Variants in PTPRD observed in about 807,000 individuals in gnomAD.
The protein encoded by PTPRD is protein tyrosine phosphatase receptor type D.
PTPRD carries 34 observed loss-of-function variants against 214.5 expected under a neutral mutation model. The ratio of observed to expected loss-of-function variants is 0.16; its 90% CI spans 0.12 to 0.21. The LOEUF (loss-of-function observed/expected upper bound fraction) is 0.21, where lower values mean the gene tolerates loss of function less well. Ranked by LOEUF, PTPRD falls within the 10% of genes least tolerant of loss-of-function variation. PTPRD has a pLI of 1.00. For synonymous variants in PTPRD, 1,128 were observed against 845.7 expected (o/e 1.33, Z -5.79); for missense variants, 2,545 against 2,398.7 (o/e 1.06, Z -1.27).
chr9:8,659,503 C>G (rs944393925), intron 12 of PTPRD, among the ~76,000 whole-genome samples: 1 of 152,176 alleles, frequency 6.6e-6, no homozygotes, highest in African/African-American at 2.4e-5. Context: ...GGTTTCTAAC[C>G]CTCTCCATCC....
intron 3 of PTPRD, among the ~76,000 whole-genome samples, chr9:10,138,040 T>C (rs2098955150): frequency 1.3e-5 from 2 of 151,554 alleles, no homozygotes; most frequent in Admixed American, 1.3e-4. Context: ...ACAACAAAAA[T>C]CAGAGAAGCA....
At chr9:8,716,232 G>A (rs2098434938) in intron 12 of PTPRD, among the ~76,000 whole-genome samples, 1 of 152,240 alleles carries the variant, frequency 6.6e-6, no homozygotes, top group South Asian at 2.1e-4. Flanking sequence ...CCTAAGGTCT[G>A]TAAACCTGGC....
At chr9:9,614,556 C>T (rs530294833) in intron 7 of PTPRD, among the ~76,000 whole-genome samples, 1 of 152,084 alleles carries the variant, frequency 6.6e-6, no homozygotes, top group Non-Finnish European at 1.5e-5. Flanking sequence ...TAAACTGACA[C>T]CAGAAAGGTA....
intron 8 of PTPRD, among the ~76,000 whole-genome samples, chr9:9,535,679 T>C (rs536298928): frequency 1.3e-5 from 2 of 152,102 alleles, no homozygotes; most frequent in Non-Finnish European, 2.9e-5. Flanking sequence ...GAGTTTAATG[T>C]GGAGAAACAA....
chr9:8,931,003 T>C (rs940797206), intron 11 of PTPRD, among the ~76,000 whole-genome samples: 20 of 152,344 alleles, frequency 1.3e-4, no homozygotes, highest in African/African-American at 4.6e-4. Flanking sequence ...TTGTTGCCAT[T>C]GCTTTGGGTG....
At chr9:10,385,892 G>A (rs2097905590) in intron 2 of PTPRD, among the ~76,000 whole-genome samples, 1 of 151,686 alleles carries the variant, frequency 6.6e-6, no homozygotes, top group South Asian at 2.1e-4. Flanking sequence ...GATTATAAGA[G>A]ATAATTATAT....
chr9:8,563,110 C>T (rs1482025515), intron 14 of PTPRD, among the ~76,000 whole-genome samples: 1 of 151,986 alleles, frequency 6.6e-6, no homozygotes, highest in East Asian at 1.9e-4. Context: ...AAATAATAAG[C>T]CTGAGTGTCA....
chr9:8,648,334 A>G (rs2096736858), intron 12 of PTPRD, among the ~76,000 whole-genome samples: 2 of 152,174 alleles, frequency 1.3e-5, no homozygotes, highest in East Asian at 3.9e-4. Context: ...AACTTCCTGA[A>G]CTATTGATGT....
At chr9:9,208,520 A>G (rs754875635) in intron 9 of PTPRD, among the ~76,000 whole-genome samples, 6 of 152,104 alleles carry the variant, frequency 3.9e-5, no homozygotes, top group South Asian at 2.1e-4. Context: ...TGTAGAGTTT[A>G]CTTTGTGACT....
In PTPRD at chr9:10,210,819, ATATG is replaced by A. The variant is rs1261761491; in HGVS notation, c.-545+130140_-545+130143del. 8.9e-3 allele frequency among the ~76,000 whole-genome samples: 626 copies of A among 70,142 alleles called. 7 individuals are homozygous for A. Among genetic ancestry groups the A allele is most frequent in the African/African-American group, 0.041 (516 of 12,554 alleles). 46.0% of individuals were successfully genotyped at this position (70,142 alleles called of 152,430 possible). On this transcript the variant is annotated intron_variant, in intron 3 of 45. Transcript: ENST00000381196. ...TTCATATATATATATATATATATAT[ATATG>A]TATGTATGTATGTATGTATAATCAA...
intron 2 of PTPRD, among the ~76,000 whole-genome samples, chr9:10,452,538 T>C (rs1187884349): frequency 1.3e-5 from 2 of 151,854 alleles, no homozygotes; most frequent in African/African-American, 2.4e-5. Context: ...GAATATCTCA[T>C]TGTACTTTTG....
At chr9:8,920,902 C>T (rs76683494) in intron 11 of PTPRD, among the ~76,000 whole-genome samples, 7,904 of 152,178 alleles carry the variant, frequency 0.052, 411 homozygotes, top group East Asian at 0.19. Context: ...CAACCTCTGC[C>T]GCACAGGATC....
chr9:9,595,144 T>C, intron 7 of PTPRD, among the ~76,000 whole-genome samples: 1 of 151,582 alleles, frequency 6.6e-6, no homozygotes, highest in East Asian at 2.0e-4. Flanking sequence ...GATGGGAATG[T>C]AAACCAGTGC....
chr9:10,489,470 G>A (rs868673928), intron 2 of PTPRD, among the ~76,000 whole-genome samples: 2 of 152,164 alleles, frequency 1.3e-5, no homozygotes, highest in African/African-American at 2.4e-5. Context: ...CCTAACTAGT[G>A]TCTCAGTATG....
intron 7 of PTPRD, among the ~76,000 whole-genome samples, chr9:9,731,462 GTTTT>G (rs33989713): frequency 6.6e-6 from 1 of 151,358 alleles, no homozygotes; most frequent in Non-Finnish European, 1.5e-5. Flanking sequence ...GAAATTTAAG[GTTTT>G]TTTTTAATTA....
At position 10,119,510 on chromosome 9, in the gene PTPRD, T is replaced by A. The variant is rs116561154; in HGVS notation, c.-544-85720A>T. Among the ~76,000 whole-genome samples, 1,138 of 152,034 alleles carry A rather than the reference T, an allele frequency of 7.5e-3. 11 individuals carry two copies. The highest frequency in any genetic ancestry group is 0.02 in the African/African-American group (843 of 41,516). Reference sequence around the variant, plus strand: ...AGTAGTTAAAATGTAATATCGAATGTGTAAAAGGATAATTTTTATAACAGA... The same window carrying A: ...AGTAGTTAAAATGTAATATCGAATGAGTAAAAGGATAATTTTTATAACAGA... On this transcript the variant is annotated intron_variant, in intron 3 of 45. Transcript: ENST00000381196.
intron 5 of PTPRD, among the ~76,000 whole-genome samples, chr9:9,930,809 G>A (rs1339697625): frequency 3.3e-5 from 5 of 151,672 alleles, no homozygotes; most frequent in Non-Finnish European, 5.9e-5. Context: ...CATGTAAATA[G>A]GTCAATTTTG....
chr9:9,708,470 C>G (rs767415005), intron 7 of PTPRD, among the ~76,000 whole-genome samples: 4 of 152,040 alleles, frequency 2.6e-5, no homozygotes, highest in Non-Finnish European at 5.9e-5. Context: ...ATTACATAGT[C>G]AATTATTTGC....
intron 2 of PTPRD, among the ~76,000 whole-genome samples, chr9:10,497,955 G>T (rs1019728596): frequency 1.3e-5 from 2 of 151,954 alleles, no homozygotes; most frequent in African/African-American, 4.8e-5. Context: ...TTGGTTAATA[G>T]CTGGACTTTT....
Sources: allele counts gnomAD v4.1 joint callset (sites outside exome capture counted in the v4.1 genomes callset), GRCh38; gene constraint gnomAD v4.1.1; transcripts MANE v1.5; gene names NCBI Gene and HGNC (gene_info 2026-07-23, HGNC 2026-07-21).